SLC5A8: variants seen among roughly 807,000 people sequenced by gnomAD.
SLC5A8 encodes the protein sodium-coupled monocarboxylate transporter 1.
In SLC5A8, 55 loss-of-function variants were observed where a neutral mutation model predicts 71.9. The observed-to-expected ratio is 0.77, with a 90% CI of 0.62 to 0.96. The LOEUF is 0.96. Among genes scored for constraint, SLC5A8 ranks in the 40% least tolerant of loss-of-function variants. The pLI, the probability that SLC5A8 is intolerant of heterozygous loss-of-function variation, is 0.00. For synonymous variants in SLC5A8, 307 were observed against 276.1 expected, an observed-to-expected ratio of 1.11 and a Z score of -1.11; for missense variants, 701 against 745.3, an observed-to-expected ratio of 0.94 and a Z score of 0.69.
chr12:101,193,534 G>GT (rs1869017612), intron 5 of SLC5A8, 91 bp downstream of exon 5: 1 of 1,442,024 alleles, frequency 6.9e-7, no homozygotes, highest in South Asian at 1.4e-5. Flanking sequence ...TTGTTGGCTT[G>GT]TTTTTTAATG....
intron 13 of SLC5A8, 107 bp from the exon 14 acceptor site, chr12:101,158,435 C>T (rs1390899631): frequency 4.3e-6 from 3 of 693,984 alleles, no homozygotes; most frequent in Non-Finnish European, 7.2e-6. Context: ...CAACTCCATA[C>T]ATTCAAAAAA....
Position 101,209,916 on chromosome 12 carries a change from C to A in SLC5A8, c.-68G>T, listed in dbSNP as rs1042051065. The A allele has an allele frequency of 4.4e-6, 6 of 1,376,818 alleles. No individual in the cohort carries two copies. The South Asian group carries it at 8.9e-5, about 21-fold the overall frequency. 85.3% of individuals were successfully genotyped at this position (1,376,818 alleles called of 1,614,324 possible). Reference sequence around the variant, plus strand: ...CGCGGCGCGCAGCCGGAGCCCGGCGCGCACTTCTTATCCCGGATCCCTGGC... The same window carrying A: ...CGCGGCGCGCAGCCGGAGCCCGGCGAGCACTTCTTATCCCGGATCCCTGGC... On this transcript the variant is annotated 5_prime_UTR_variant, in exon 1 of 15. Transcript: ENST00000536262.
intron 8 of SLC5A8, 107 bp downstream of exon 8, chr12:101,184,027 C>T (rs901029647): frequency 9.2e-7 from 1 of 1,083,562 alleles, no homozygotes. Context: ...CTACTTTGGG[C>T]CATCTGTGTC....
At chr12:101,208,079 C>A (rs904559047) in intron 1 of SLC5A8, among the ~76,000 whole-genome samples, 2 of 151,656 alleles carry the variant, frequency 1.3e-5, no homozygotes, top group Admixed American at 6.6e-5. Context: ...TATTTTATTT[C>A]TTCTCACTAT....
At chr12:101,188,762 C>T (rs1366834662) in intron 6 of SLC5A8, among the ~76,000 whole-genome samples, 1 of 152,218 alleles carries the variant, frequency 6.6e-6, no homozygotes, top group Non-Finnish European at 1.5e-5. Flanking sequence ...CTTGAATTGA[C>T]TAACATTGCA....
intron 10 of SLC5A8, among the ~76,000 whole-genome samples, chr12:101,175,080 T>G (rs12370905): frequency 0.077 from 11,627 of 151,520 alleles, 476 homozygotes; most frequent in Non-Finnish European, 0.094. Context: ...AAAATATATA[T>G]AGAGAGAAAA....
At position 101,182,999 on chromosome 12, in the gene SLC5A8, T is replaced by C. The variant is rs116480221; in HGVS notation, c.1053-84A>G. 5.7e-3 allele frequency: 3,212 copies of C among 563,166 alleles called. 109 individuals are homozygous for C. The African/African-American group carries it at 0.06, about 11-fold the overall frequency. 34.9% of individuals were successfully genotyped at this position (563,166 alleles called of 1,614,324 possible). A position where few individuals can be genotyped will look rare whatever the true frequency, so the allele number is the denominator to read the frequency against. On this transcript the variant is annotated intron_variant, in intron 8 of 14. Transcript: ENST00000536262. ...TGGGAATGAGAAAGGGGGAAACAAA[T>C]TGTCACTTCTAAAATATAACCTGAT...
intron 8 of SLC5A8, among the ~76,000 whole-genome samples, chr12:101,183,821 TG>T (rs1186615731): frequency 1.3e-5 from 2 of 152,208 alleles, no homozygotes; most frequent in Non-Finnish European, 2.9e-5. Context: ...CAATCAAGAC[TG>T]TGGCACCCAT....
At chr12:101,158,798 C>T (rs1413035440) in intron 13 of SLC5A8, among the ~76,000 whole-genome samples, 2 of 150,822 alleles carry the variant, frequency 1.3e-5, no homozygotes, top group Non-Finnish European at 3.0e-5. Context: ...CCGCTTCAGA[C>T]AGTGGAGCTG....
chr12:101,184,189 C>A lies in SLC5A8; in HGVS notation c.997G>T (p.Asp333Tyr), dbSNP rs1555315383. The change falls in exon 8 of 15, where the codon GAT (aspartate) becomes TAT (tyrosine). Residue 333 changes from aspartate to tyrosine, a missense_variant. Transcript: ENST00000536262. ...AAAAGTCCAGGAAGTCCTGGATAAT[C>A]TTGCAGAATGTCCAGTACCAAATAA... ...MPYLVLDILQDYPGLPGLFVA... is the reference protein window; with the variant it reads ...MPYLVLDILQYYPGLPGLFVA... 6.8e-6 allele frequency: 11 copies of A among 1,614,182 alleles called. No individual in the cohort carries two copies. In the South Asian group the frequency reaches 1.2e-4, roughly 18 times the overall value.
rs2051665890 is a variant in SLC5A8, at chr12:101,156,706, AATACTTATTG to A, written c.*563_*572del. On this transcript the variant is annotated 3_prime_UTR_variant, in exon 15 of 15. Coordinates refer to ENST00000536262, the MANE Select transcript of SLC5A8 (RefSeq NM_145913.5). ...TGGGCCCACGGTCTTTCCCAGCCAG[AATACTTATTG>A]ATTACCACCTTCCTGATTCAGAATC... is the stretch of plus-strand genomic sequence containing the variant. The A allele has an allele frequency of 6.6e-6, 1 of 152,254 alleles. No homozygotes were observed. Among genetic ancestry groups the A allele is most frequent in the Non-Finnish European group, 1.5e-5 (1 of 68,108 alleles). The allele number at this position is 152,254 out of a possible 1,614,324, so 9.4% of individuals were successfully genotyped here.
At position 101,158,342 on chromosome 12, in the gene SLC5A8, T is replaced by A. The variant is rs181200059; in HGVS notation, c.1631-14A>T. On this transcript the variant is annotated splice_polypyrimidine_tract_variant and intron_variant, in intron 13 of 14. Coordinates refer to ENST00000536262, the MANE Select transcript of SLC5A8 (RefSeq NM_145913.5). ...GTTTTCTTCCTCCTGGAAAAAAAAA[T>A]GTACATGACTTACGTTGTTAAAAAG... 481 of 1,516,728 alleles carry A rather than the reference T, an allele frequency of 3.2e-4. 1 individual carries two copies. In the African/African-American group the frequency reaches 4.9e-3, roughly 16 times the overall value. The allele number at this position is 1,516,728 out of a possible 1,614,324, so 94.0% of individuals were successfully genotyped here. A position where few individuals can be genotyped will look rare whatever the true frequency, so the allele number is the denominator to read the frequency against.
rs990500328 is a variant in SLC5A8, at chr12:101,205,684, A to G, written c.352-1119T>C. ...TGTGCATGGTCCTCCCAACAACTCT[A>G]TGAGCCAGGTACTGTGTATAAACCC... On this transcript the variant is annotated intron_variant, in intron 1 of 14. Transcript: ENST00000536262. Among the ~76,000 whole-genome samples the G allele has an allele frequency of 4.6e-5, 7 of 152,290 alleles. No homozygotes were observed. In the East Asian group the frequency reaches 7.7e-4, roughly 17 times the overall value.
intron 5 of SLC5A8, 120 bp downstream of exon 5, chr12:101,193,505 C>T: frequency 8.4e-7 from 1 of 1,196,812 alleles, no homozygotes. Context: ...TCAATTTGCT[C>T]TACCACATCC....
At position 101,209,679 on chromosome 12, in the gene SLC5A8, A is replaced by G. The variant is rs1266958564; in HGVS notation, c.170T>C (p.Val57Ala). ...MGGRRMTAVP[V>A]ALSLTASFMS... is the part of the protein sequence containing the mutation. ...GAAGCTAGCGGTGAGGGACAGCGCC[A>G]CGGGCACTGCGGTCATTCTGCGGCC... Residue 57 changes from valine (V) to alanine (A), a missense_variant, in exon 1 of 15, where the codon GTG becomes GCG. By Grantham distance (64) the Val-to-Ala change is moderately conservative. Coordinates refer to ENST00000536262, the MANE Select transcript of SLC5A8 (RefSeq NM_145913.5). 4 of 1,613,728 alleles carry G rather than the reference A, an allele frequency of 2.5e-6. No individual in the cohort carries two copies. The highest frequency in any genetic ancestry group is 3.4e-6 in the Non-Finnish European group (4 of 1,180,032).
At chr12:101,194,731 C>T (rs1869085398) in intron 4 of SLC5A8, among the ~76,000 whole-genome samples, 1 of 152,140 alleles carries the variant, frequency 6.6e-6, no homozygotes, top group Non-Finnish European at 1.5e-5. Flanking sequence ...TCCACCTCGG[C>T]CTCCCAAATT....
chr12:101,178,337 T>C (rs952581617), intron 10 of SLC5A8, among the ~76,000 whole-genome samples: 2 of 152,144 alleles, frequency 1.3e-5, no homozygotes, highest in Non-Finnish European at 2.9e-5. Context: ...AGAACTAGAA[T>C]AGCTAAAACA....
chr12:101,167,184 A>T (rs1327317250), intron 11 of SLC5A8, among the ~76,000 whole-genome samples: 7 of 152,220 alleles, frequency 4.6e-5, no homozygotes, highest in East Asian at 3.8e-4. Flanking sequence ...GCATTTCATC[A>T]CGCAAAGAAT....
chr12:101,207,158 G>A (rs994709194), intron 1 of SLC5A8, among the ~76,000 whole-genome samples: 1 of 152,204 alleles, frequency 6.6e-6, no homozygotes, highest in African/African-American at 2.4e-5. Context: ...TGGCACCCTG[G>A]AGGTGGATGC....
Sources: gnomAD v4.1 joint callset for allele counts (sites outside exome capture counted in the v4.1 genomes callset) on GRCh38, gnomAD v4.1.1 for gene constraint, MANE v1.5 for transcripts, NCBI Gene and HGNC (gene_info 2026-07-23, HGNC 2026-07-21) for gene names.